Variants in JAKMIP3 observed in about 807,000 individuals in gnomAD.
JAKMIP3 encodes the protein Janus kinase and microtubule interacting protein 3.
JAKMIP3 carries 58 observed loss-of-function variants against 118.5 expected under a neutral mutation model. That is an observed-to-expected ratio of 0.49 (90% CI 0.40 to 0.61). The LOEUF (loss-of-function observed/expected upper bound fraction) is 0.61, where lower values mean the gene tolerates loss of function less well. Among genes scored for constraint, JAKMIP3 ranks in the 20% least tolerant of loss-of-function variants. The pLI is 0.00. For synonymous variants in JAKMIP3, 486 were observed against 451.2 expected (o/e 1.08, Z -0.98); for missense variants, 950 against 1,109.0 (o/e 0.86, Z 2.04).
chr10:132,046,522 C>T (rs370013372), intron 1 of JAKMIP3, among the ~76,000 whole-genome samples: 11 of 152,178 alleles, frequency 7.2e-5, no homozygotes, highest in Middle Eastern at 3.4e-3. Context: ...CTCAGCATCG[C>T]GTCTTGGGTC....
chr10:132,138,182 A>C lies in JAKMIP3; in HGVS notation c.1344+4A>C. 1 of 1,608,812 alleles carries C rather than the reference A, an allele frequency of 6.2e-7. No homozygotes were observed. Among genetic ancestry groups the C allele is most frequent in the South Asian group, 1.1e-5 (1 of 90,028 alleles). On this transcript the variant is annotated splice_donor_region_variant and intron_variant, in intron 9 of 23. Coordinates refer to ENST00000684848, the MANE Select transcript of JAKMIP3 (RefSeq NM_001323087.2). Reference sequence around the variant, plus strand: ...GAAAATGGCAAAACTTCCCAAGGTAAGGAACAGCACACCGGCACGTGCGGA... The same window carrying C: ...GAAAATGGCAAAACTTCCCAAGGTACGGAACAGCACACCGGCACGTGCGGA...
At chr10:132,076,407 G>A (rs1476266417) in intron 1 of JAKMIP3, among the ~76,000 whole-genome samples, 2 of 152,278 alleles carry the variant, frequency 1.3e-5, no homozygotes, top group Admixed American at 1.3e-4. Context: ...ATCTGTTCAC[G>A]AGTTGACTGA....
At chr10:132,102,519 CCAT>C (rs1477902175) in intron 1 of JAKMIP3, among the ~76,000 whole-genome samples, 2 of 152,236 alleles carry the variant, frequency 1.3e-5, no homozygotes, top group Non-Finnish European at 2.9e-5. Flanking sequence ...GCCCTTCTCC[CCAT>C]CCAGGTGGAG....
Position 132,120,346 on chromosome 10 carries a change from C to T in JAKMIP3, c.633+2772C>T, listed in dbSNP as rs1287748701. Among the ~76,000 whole-genome samples the T allele has an allele frequency of 4.6e-5, 7 of 152,180 alleles. No homozygotes were observed. The East Asian group carries it at 1.4e-3, about 29-fold the overall frequency. On this transcript the variant is annotated intron_variant, in intron 3 of 23. Coordinates refer to ENST00000684848, the MANE Select transcript of JAKMIP3 (RefSeq NM_001323087.2). ...GATTGGCTGGGGGCTCACATCCCAT[C>T]CGCGGTGTGACTCGCCCCTTCCCCC... is the stretch of plus-strand genomic sequence containing the variant.
intron 1 of JAKMIP3, among the ~76,000 whole-genome samples, chr10:132,040,927 A>G (rs1977496): frequency 0.83 from 126,827 of 152,148 alleles, 53,067 homozygotes; most frequent in African/African-American, 0.87. Flanking sequence ...AACTGGAATC[A>G]TGCAGTACTC....
chr10:132,168,639 T>A lies in JAKMIP3; in HGVS notation c.*709T>A, dbSNP rs774592394. On this transcript the variant is annotated 3_prime_UTR_variant, in exon 23 of 24. Coordinates refer to ENST00000684848, the MANE Select transcript of JAKMIP3 (RefSeq NM_001323087.2). ...TGCCATCAACCCTCTGCCTCCCTAC[T>A]CAACCTGAGACAGGAAGGCCAAGAT... The A allele has an allele frequency of 3.0e-6, 1 of 335,128 alleles. No homozygotes were observed. Among genetic ancestry groups the A allele is most frequent in the Non-Finnish European group, 5.8e-6 (1 of 172,712 alleles). 20.8% of individuals were successfully genotyped at this position (335,128 alleles called of 1,614,324 possible).
At chr10:132,097,964 T>TC (rs1554928244) in intron 1 of JAKMIP3, among the ~76,000 whole-genome samples, 10 of 28,958 alleles carry the variant, frequency 3.5e-4, no homozygotes, top group South Asian at 2.2e-3. Context: ...CCTTTCCCTT[T>TC]CCTTCCTTTT....
At chr10:132,038,171 T>A (rs1247142259) in intron 1 of JAKMIP3, among the ~76,000 whole-genome samples, 1 of 152,240 alleles carries the variant, frequency 6.6e-6, no homozygotes, top group African/African-American at 2.4e-5. Context: ...TGATTCTGGC[T>A]TTTATTGTCA....
chr10:132,168,769 G>C lies in JAKMIP3; in HGVS notation c.*839G>C, dbSNP rs574609454. On this transcript the variant is annotated 3_prime_UTR_variant, in exon 23 of 24. Transcript: ENST00000684848. Reference sequence around the variant, plus strand: ...GAGGGGGCGGAGCTGGCTGGAACACGGATGCCAGAGGCTGCCTCCATAGTG... The same window carrying C: ...GAGGGGGCGGAGCTGGCTGGAACACCGATGCCAGAGGCTGCCTCCATAGTG... 1.6e-5 allele frequency: 4 copies of C among 249,878 alleles called. No individual in the cohort carries two copies. Among genetic ancestry groups the C allele is most frequent in the African/African-American group, 9.4e-5 (4 of 42,614 alleles). The allele number at this position is 249,878 out of a possible 1,614,324, so 15.5% of individuals were successfully genotyped here. A position where few individuals can be genotyped will look rare whatever the true frequency, so the allele number is the denominator to read the frequency against.
chr10:132,084,191 T>C (rs2042113301), intron 1 of JAKMIP3, among the ~76,000 whole-genome samples: 1 of 152,152 alleles, frequency 6.6e-6, no homozygotes, highest in South Asian at 2.1e-4. Flanking sequence ...TTTCCACTCG[T>C]TTGTGTTATC....
chr10:132,102,250 GA>G (rs2045067899), intron 1 of JAKMIP3, among the ~76,000 whole-genome samples: 1 of 152,174 alleles, frequency 6.6e-6, no homozygotes, highest in African/African-American at 2.4e-5. Flanking sequence ...GATGGAGCTG[GA>G]AAGGGGAGAC....
intron 2 of JAKMIP3, among the ~76,000 whole-genome samples, chr10:132,113,994 G>T (rs1260514014): frequency 6.6e-6 from 1 of 152,244 alleles, no homozygotes; most frequent in Non-Finnish European, 1.5e-5. Context: ...TCTGGCCAGT[G>T]TAGCAGTGAT....
At chr10:132,141,551 G>T (rs2053522111) in intron 10 of JAKMIP3, among the ~76,000 whole-genome samples, 1 of 152,170 alleles carries the variant, frequency 6.6e-6, no homozygotes, top group South Asian at 2.1e-4. Flanking sequence ...TGCAGGCCTG[G>T]TTGGTAACAG....
chr10:132,180,680 C>T (rs796898082), intron 23 of JAKMIP3, among the ~76,000 whole-genome samples: 421 of 5,922 alleles, frequency 0.071, 52 homozygotes, highest in Middle Eastern at 0.17. Context: ...TGTGTGCGCG[C>T]GCGTGTGTGT....
At chr10:132,086,489 C>CT (rs1484928628) in intron 1 of JAKMIP3, among the ~76,000 whole-genome samples, 2 of 152,012 alleles carry the variant, frequency 1.3e-5, no homozygotes, top group Non-Finnish European at 2.9e-5. Context: ...GTGTTGCTGT[C>CT]TATTTCTTTT....
rs1490377192 is a variant in JAKMIP3, at chr10:132,180,774, T to TGCGC, written c.*1104-1582_*1104-1581insCGCG. Among the ~76,000 whole-genome samples the TGCGC allele has an allele frequency of 1.4e-4, 9 of 65,850 alleles. 2 individuals are homozygous for TGCGC. The highest frequency in any genetic ancestry group is 5.0e-4 in the African/African-American group (8 of 15,980). The allele number at this position is 65,850 out of a possible 152,430, so 43.2% of individuals were successfully genotyped here. On this transcript the variant is annotated intron_variant, in intron 23 of 23. Transcript: ENST00000684848. Reference sequence around the variant, plus strand: ...GCGCGTGTGTGCGTGTGTGTGCGTGTGTGTGTGTGCGCGTATGCATGTGCT... The same window carrying TGCGC: ...GCGCGTGTGTGCGTGTGTGTGCGTGTGCGCGTGTGTGTGCGCGTATGCATGTGCT...
chr10:132,047,368 T>G (rs553925589), intron 1 of JAKMIP3, among the ~76,000 whole-genome samples: 10 of 152,324 alleles, frequency 6.6e-5, no homozygotes, highest in African/African-American at 2.4e-4. Flanking sequence ...CAATAGCAGT[T>G]TCCAGAGAGG....
chr10:132,116,822 G>A (rs1412936358), intron 2 of JAKMIP3, among the ~76,000 whole-genome samples: 5 of 107,678 alleles, frequency 4.6e-5, no homozygotes, highest in African/African-American at 1.9e-4. Context: ...CGCTCCCCCC[G>A]AATACACATT....
intron 3 of JAKMIP3, among the ~76,000 whole-genome samples, chr10:132,120,380 C>G (rs2048354563): frequency 6.6e-6 from 1 of 152,144 alleles, no homozygotes; most frequent in Non-Finnish European, 1.5e-5. Flanking sequence ...CCAGGGGTGG[C>G]TGCTGGAGCC....
Sources: gnomAD v4.1 joint callset for allele counts (sites outside exome capture counted in the v4.1 genomes callset) on GRCh38, gnomAD v4.1.1 for gene constraint, MANE v1.5 for transcripts, NCBI Gene and HGNC (gene_info 2026-07-23, HGNC 2026-07-21) for gene names.